Variants in XPO6 observed in about 807,000 individuals in gnomAD.
The protein encoded by XPO6 is exportin 6.
XPO6 carries 3 observed loss-of-function variants against 130.0 expected under a neutral mutation model. The ratio of observed to expected loss-of-function variants is 0.02; its 90% CI spans 0.01 to 0.06. The LOEUF (loss-of-function observed/expected upper bound fraction) is 0.06. Among genes scored for constraint, XPO6 ranks in the 10% least tolerant of loss-of-function variants. The pLI is 1.00. For missense variants in XPO6, 970 were observed against 1,393.0 expected (o/e 0.70, Z 4.83); for synonymous variants, 524 against 548.9 (o/e 0.95, Z 0.63).
chr16:28,106,203 G>A lies in XPO6; in HGVS notation c.2624C>T (p.Ala875Val). The change falls in exon 20 of 24, where the codon GCC (alanine) becomes GTC (valine). Residue 875 changes from alanine (A) to valine (V), a missense_variant. Around this residue, in one of 4 missense-constraint regions of XPO6, gnomAD observed 936 missense variants for 1,306.8 expected, o/e 0.72. Transcript: ENST00000304658. The surrounding 1 kb of genome is among the most constrained non-coding windows in gnomAD (Gnocchi z 4.2). ...GCTGCCCTCGTGGAGGATGCTCTCG[G>A]CTAACTGCTCTCTACAGAGGAGAAA... ...FLNMFTREQL[A>V]ESILHEGSTG... 1 of 1,614,092 alleles carries A rather than the reference G, an allele frequency of 6.2e-7. No individual in the cohort carries two copies. The highest frequency in any genetic ancestry group is 8.5e-7 in the Non-Finnish European group (1 of 1,180,026).
intron 6 of XPO6, among the ~76,000 whole-genome samples, chr16:28,164,130 G>GA (rs535583162): frequency 6.6e-6 from 1 of 152,242 alleles, no homozygotes; most frequent in South Asian, 2.1e-4. Flanking sequence ...AGTATATGGG[G>GA]AAAAAAACCC....
intron 1 of XPO6, among the ~76,000 whole-genome samples, chr16:28,199,512 G>A (rs891597821): frequency 6.6e-5 from 10 of 151,826 alleles, no homozygotes; most frequent in Admixed American, 2.0e-4. Flanking sequence ...CCTGACCTCA[G>A]GTGATCCGCC....
intron 14 of XPO6, 27 bp from the exon 15 acceptor site, chr16:28,117,489 T>G (rs372721528): frequency 6.2e-7 from 1 of 1,607,922 alleles, no homozygotes; most frequent in Non-Finnish European, 8.5e-7. Flanking sequence ...AGATGTGATT[T>G]TAAAGGTTAA....
intron 6 of XPO6, 82 bp downstream of exon 6, chr16:28,166,426 G>A (rs778485714): frequency 8.2e-6 from 12 of 1,464,412 alleles, no homozygotes; most frequent in Admixed American, 5.9e-5. Context: ...CCTCAGTACT[G>A]AGGACTACAG....
At chr16:28,104,492 T>C in intron 21 of XPO6, 54 bp downstream of exon 21, 1 of 1,595,726 alleles carries the variant, frequency 6.3e-7, no homozygotes, top group African/African-American at 1.3e-5. Flanking sequence ...CAGGACTCGC[T>C]GCAGTGGTCA....
At position 28,107,655 on chromosome 16, in the gene XPO6, T is replaced by A; in HGVS notation, c.2364A>T (p.Thr788=). 6.2e-7 allele frequency: 1 copy of A among 1,612,598 alleles called. No homozygotes were observed. Among genetic ancestry groups the A allele is most frequent in the East Asian group, 2.2e-5 (1 of 44,796 alleles). Residue 788 remains threonine, a synonymous_variant, in exon 18 of 24, where the codon ACA becomes ACT. Coordinates refer to ENST00000304658, the MANE Select transcript of XPO6 (RefSeq NM_015171.4). Reference sequence around the variant, plus strand: ...CCACAATATCTTCTAAGACGCTGAGTGTCTGGTGGATAATCAGTTTGGCTG... The same window carrying A: ...CCACAATATCTTCTAAGACGCTGAGAGTCTGGTGGATAATCAGTTTGGCTG... ...LDDTKLIIHQ[T]LSVLEDIVEN... is the part of the protein sequence containing the mutation.
At chr16:28,178,107 A>G (rs1180641004) in intron 2 of XPO6, among the ~76,000 whole-genome samples, 1 of 152,196 alleles carries the variant, frequency 6.6e-6, no homozygotes, top group Non-Finnish European at 1.5e-5. Context: ...TGCACTGGTC[A>G]TGAAATATAA....
At chr16:28,138,189 T>TCAAA (rs2042818063) in intron 9 of XPO6, among the ~76,000 whole-genome samples, 1 of 152,126 alleles carries the variant, frequency 6.6e-6, no homozygotes, top group African/African-American at 2.4e-5. Flanking sequence ...AAAGGTAAGA[T>TCAAA]CAAACATTTA....
chr16:28,132,389 C>T lies in XPO6; in HGVS notation c.1551G>A (p.Gln517=). The change falls in exon 12 of 24, where the codon CAG becomes CAA. Residue 517 remains glutamine, a synonymous_variant. Transcript: ENST00000304658. This position sits in a 1 kb window ranked among gnomAD's most constrained non-coding sequence, Gnocchi z 4.0. ...HAFSTLFPVL[Q]DNLEVYLGLQ... is the part of the protein sequence containing the mutation. ...ATCCCAAATAAACTTCTAAATTGTC[C>T]TGAAGAACAGGGAACTGAAAACAAA... is the stretch of plus-strand genomic sequence containing the variant. 6.2e-7 allele frequency: 1 copy of T among 1,604,574 alleles called. No individual in the cohort carries two copies.
chr16:28,181,130 T>C (rs1249956241), intron 1 of XPO6, 99 bp from the exon 2 acceptor site: 7 of 867,418 alleles, frequency 8.1e-6, no homozygotes, highest in Non-Finnish European at 1.2e-5. Context: ...AGCAATTTAC[T>C]TCCTCAAAAT....
rs767544237 is a variant in XPO6 at position 28,101,445 on chromosome 16, T to C, written c.3276+13A>G. On this transcript the variant is annotated intron_variant, in intron 23 of 23. Transcript: ENST00000304658. The surrounding 1 kb of genome is among the most constrained non-coding windows in gnomAD (Gnocchi z 5.4). ...TCTGCCCTCCTCTTAGCCCGGCCTCTTTCTCTCCTCACCCGATCCATCTTG... is the reference window on the plus strand; with the variant it reads ...TCTGCCCTCCTCTTAGCCCGGCCTCCTTCTCTCCTCACCCGATCCATCTTG... 1.6e-5 allele frequency: 26 copies of C among 1,613,062 alleles called. No individual in the cohort carries two copies. Among genetic ancestry groups the C allele is most frequent in the Non-Finnish European group, 2.2e-5 (26 of 1,179,162 alleles).
chr16:28,194,035 T>C (rs1174811399), intron 1 of XPO6, among the ~76,000 whole-genome samples: 1 of 152,110 alleles, frequency 6.6e-6, no homozygotes, highest in African/African-American at 2.4e-5. Context: ...TGATTACTTA[T>C]CTGCTTGCCC....
chr16:28,105,957 A>C (rs1456073046), intron 20 of XPO6, 86 bp downstream of exon 20: 4 of 1,548,616 alleles, frequency 2.6e-6, no homozygotes, highest in Non-Finnish European at 3.5e-6. Context: ...ATGAACTTTA[A>C]AACACAATAC....
intron 1 of XPO6, among the ~76,000 whole-genome samples, chr16:28,195,939 C>T (rs1036588572): frequency 3.9e-5 from 6 of 152,246 alleles, no homozygotes; most frequent in African/African-American, 1.4e-4. Flanking sequence ...TTTTTGATCA[C>T]GGAAGAACTT....
intron 21 of XPO6, among the ~76,000 whole-genome samples, chr16:28,103,109 C>T (rs2086687492): frequency 6.6e-6 from 1 of 152,182 alleles, no homozygotes; most frequent in Non-Finnish European, 1.5e-5. Flanking sequence ...ACCACCATCA[C>T]AACCAAGACA....
At chr16:28,194,727 G>T (rs373896724) in intron 1 of XPO6, among the ~76,000 whole-genome samples, 1 of 151,994 alleles carries the variant, frequency 6.6e-6, no homozygotes. Context: ...AAGACTGGTC[G>T]TACATTCTCT....
At chr16:28,110,623 C>T (rs766822062) in intron 17 of XPO6, among the ~76,000 whole-genome samples, 8 of 152,166 alleles carry the variant, frequency 5.3e-5, no homozygotes, top group Non-Finnish European at 1.2e-4. Context: ...GAAAGGAGAC[C>T]ATTACACGTG....
chr16:28,116,990 G>A, intron 15 of XPO6: 1 of 250,844 alleles, frequency 4.0e-6, no homozygotes, highest in Middle Eastern at 1.4e-3. Flanking sequence ...AGGTGTGCCT[G>A]CACAACCACT....
At chr16:28,108,080 A>C (rs1180037628) in intron 17 of XPO6, among the ~76,000 whole-genome samples, 1 of 152,162 alleles carries the variant, frequency 6.6e-6, no homozygotes, top group African/African-American at 2.4e-5. Context: ...AATGAGTGTC[A>C]TAAGGTCACA....
Sources: allele counts gnomAD v4.1 joint callset (sites outside exome capture counted in the v4.1 genomes callset), GRCh38; gene constraint gnomAD v4.1.1; regional missense constraint gnomAD v4.1.1; non-coding constraint Gnocchi (gnomAD v3.1); transcripts MANE v1.5; gene names NCBI Gene and HGNC (gene_info 2026-07-23, HGNC 2026-07-21).